ADK: variants seen among roughly 807,000 people sequenced by gnomAD.
ADK encodes the protein N6,N6-dimethyladenosine kinase.
ADK carries 24 observed loss-of-function variants against 44.7 expected under a neutral mutation model. The observed-to-expected ratio is 0.54, with a 90% CI of 0.39 to 0.76. ADK has a LOEUF of 0.76. Ranked by LOEUF, ADK falls within the 30% of genes least tolerant of loss-of-function variation. The pLI is 0.00. For missense variants in ADK, 321 were observed against 425.1 expected (o/e 0.76, Z 2.15); for synonymous variants, 128 against 142.6 (o/e 0.90, Z 0.73).
chr10:74,155,133 G>T (rs945246578), intron 1 of ADK, among the ~76,000 whole-genome samples: 1 of 152,038 alleles, frequency 6.6e-6, no homozygotes, highest in Non-Finnish European at 1.5e-5. Context: ...CACTTCCATG[G>T]ACCCCTTTTA....
intron 9 of ADK, among the ~76,000 whole-genome samples, chr10:74,632,016 A>G (rs1457381317): frequency 1.3e-5 from 2 of 151,880 alleles, no homozygotes; most frequent in East Asian, 1.9e-4. Context: ...AAAGTATACA[A>G]TTCTTTTTTT....
intron 2 of ADK, among the ~76,000 whole-genome samples, chr10:74,217,942 G>A (rs1384913603): frequency 6.6e-6 from 1 of 152,094 alleles, no homozygotes; most frequent in Non-Finnish European, 1.5e-5. Context: ...CAGAAAAACT[G>A]GAAACTCTAA....
intron 9 of ADK, among the ~76,000 whole-genome samples, chr10:74,633,122 A>G (rs781355721): frequency 1.1e-3 from 174 of 152,172 alleles, no homozygotes; most frequent in Non-Finnish European, 1.5e-3. Flanking sequence ...TTTCTTCTAT[A>G]GGTTTTTTAA....
At chr10:74,522,668 T>G (rs942484704) in intron 6 of ADK, among the ~76,000 whole-genome samples, 7 of 152,176 alleles carry the variant, frequency 4.6e-5, no homozygotes, top group African/African-American at 1.7e-4. Context: ...TTTTCAGAGT[T>G]TGCATTATGG....
At chr10:74,624,730 A>G (rs1471780675) in intron 9 of ADK, among the ~76,000 whole-genome samples, 2 of 152,066 alleles carry the variant, frequency 1.3e-5, no homozygotes, top group Non-Finnish European at 2.9e-5. Context: ...TGAGAGTGAA[A>G]GAGTGGGGTG....
intron 7 of ADK, among the ~76,000 whole-genome samples, chr10:74,562,291 T>C (rs527729800): frequency 6.6e-6 from 1 of 152,266 alleles, no homozygotes; most frequent in African/African-American, 2.4e-5. Flanking sequence ...CACATGGCAT[T>C]TTTAAAGGAG....
intron 7 of ADK, among the ~76,000 whole-genome samples, chr10:74,577,462 T>A (rs1224196104): frequency 1.3e-5 from 2 of 152,124 alleles, no homozygotes; most frequent in Non-Finnish European, 2.9e-5. Flanking sequence ...ATTAAAGATT[T>A]TTTTTTCTTA....
intron 6 of ADK, among the ~76,000 whole-genome samples, chr10:74,400,287 G>C (rs1843662426): frequency 6.6e-6 from 1 of 152,088 alleles, no homozygotes; most frequent in South Asian, 2.1e-4. Context: ...TTCATAAAAA[G>C]AATGATCTCT....
At chr10:74,641,309 C>A (rs1214103875) in intron 9 of ADK, 1 of 152,128 alleles carries the variant, frequency 6.6e-6, no homozygotes, top group East Asian at 1.9e-4. Flanking sequence ...GAGTTTGAGA[C>A]CACCCTGGGC....
chr10:74,655,483 G>A (rs1854448693), intron 9 of ADK: 2 of 480,834 alleles, frequency 4.2e-6, no homozygotes, highest in Admixed American at 4.9e-5. Flanking sequence ...ACATGCCTGT[G>A]CAGCTGCCAC....
chr10:74,281,206 A>G (rs1846919512), intron 3 of ADK, among the ~76,000 whole-genome samples: 1 of 152,254 alleles, frequency 6.6e-6, no homozygotes, highest in Admixed American at 6.5e-5. Context: ...ACTTTTGATA[A>G]TGTTGATCTG....
intron 10 of ADK, among the ~76,000 whole-genome samples, chr10:74,688,191 C>T (rs188326193): frequency 1.3e-5 from 2 of 152,314 alleles, no homozygotes; most frequent in African/African-American, 2.4e-5. Context: ...AAAGTCAACT[C>T]TTCTGTAATC....
chr10:74,578,565 A>G (rs1851274784), intron 7 of ADK, among the ~76,000 whole-genome samples: 3 of 152,168 alleles, frequency 2.0e-5, no homozygotes, highest in Admixed American at 1.3e-4. Context: ...CTGTATTCCA[A>G]TAAGACTTTA....
chr10:74,390,342 A>T (rs190672081), intron 4 of ADK, among the ~76,000 whole-genome samples: 1 of 152,280 alleles, frequency 6.6e-6, no homozygotes. Context: ...AAAATGGAAT[A>T]AATTAAGTTT....
intron 2 of ADK, among the ~76,000 whole-genome samples, chr10:74,201,893 T>C (rs1843409921): frequency 6.6e-6 from 1 of 152,122 alleles, no homozygotes; most frequent in Non-Finnish European, 1.5e-5. Context: ...CTGATTTCTG[T>C]ACCCAAGAGT....
intron 4 of ADK, among the ~76,000 whole-genome samples, chr10:74,374,956 C>T (rs1457454460): frequency 1.3e-5 from 2 of 152,072 alleles, no homozygotes; most frequent in African/African-American, 4.8e-5. Flanking sequence ...ATGCTTACTC[C>T]TCCAGTAGAG....
intron 10 of ADK, among the ~76,000 whole-genome samples, chr10:74,699,832 C>G (rs1455818437): frequency 6.6e-6 from 1 of 152,160 alleles, no homozygotes; most frequent in Non-Finnish European, 1.5e-5. Flanking sequence ...TAAAATTATA[C>G]TGAAATATTT....
chr10:74,343,037 G>A (rs1419948897), intron 4 of ADK, among the ~76,000 whole-genome samples: 2 of 152,158 alleles, frequency 1.3e-5, no homozygotes, highest in Non-Finnish European at 2.9e-5. Context: ...GTGGCAAGAA[G>A]AGATGTCCCT....
In ADK at chr10:74,597,514, C is replaced by A. The variant is rs76393586; in HGVS notation, c.763-2865C>A. 1.5e-4 allele frequency among the ~76,000 whole-genome samples: 23 copies of A among 152,310 alleles called. No individual in the cohort carries two copies. In the East Asian group the frequency reaches 4.4e-3, roughly 29 times the overall value. On this transcript the variant is annotated intron_variant, in intron 8 of 10. Coordinates refer to ENST00000539909, the MANE Select transcript of ADK (RefSeq NM_006721.4). ...TCATGTCTCCTTAGTCTCTTCTAAT[C>A]TGTGACAGTTCCTCACTCTTGTTGT...
Sources: gnomAD v4.1 joint callset for allele counts (sites outside exome capture counted in the v4.1 genomes callset) on GRCh38, gnomAD v4.1.1 for gene constraint, MANE v1.5 for transcripts, NCBI Gene and HGNC (gene_info 2026-07-23, HGNC 2026-07-21) for gene names.